PARD3B: variants seen among roughly 807,000 people sequenced by gnomAD.
PARD3B encodes par-3 family cell polarity regulator beta.
In PARD3B, 103 loss-of-function variants were observed where a neutral mutation model predicts 130.2. The observed-to-expected ratio is 0.79, with a 90% confidence interval of 0.67 to 0.93. PARD3B has a LOEUF of 0.93. Ranked by LOEUF, PARD3B falls within the 40% of genes least tolerant of loss-of-function variation. PARD3B has a pLI of 0.00. For synonymous variants in PARD3B, 583 were observed against 553.2 expected, an observed-to-expected ratio of 1.05 and a Z score of -0.76; for missense variants, 1,609 against 1,499.2, an observed-to-expected ratio of 1.07 and a Z score of -1.21.
At chr2:204,920,442 C>G (rs767769693) in intron 2 of PARD3B, among the ~76,000 whole-genome samples, 2 of 152,160 alleles carry the variant, frequency 1.3e-5, no homozygotes, top group African/African-American at 2.4e-5. Context: ...TCTGAGTACA[C>G]AACCATGGCC....
intron 1 of PARD3B, among the ~76,000 whole-genome samples, chr2:204,571,340 AAG>A (rs1468460254): frequency 6.6e-6 from 1 of 152,230 alleles, no homozygotes; most frequent in African/African-American, 2.4e-5. Context: ...CCCCAGCCAT[AAG>A]AGTGTTTTCT....
At chr2:205,152,389 G>T (rs1442312295) in intron 10 of PARD3B, among the ~76,000 whole-genome samples, 1 of 152,130 alleles carries the variant, frequency 6.6e-6, no homozygotes, top group Non-Finnish European at 1.5e-5. Context: ...GTCACTTTCA[G>T]GTATACCAAT....
chr2:204,665,752 G>T (rs538241698), intron 1 of PARD3B, among the ~76,000 whole-genome samples: 7 of 152,282 alleles, frequency 4.6e-5, no homozygotes, highest in Non-Finnish European at 8.8e-5. Flanking sequence ...GAAAGCTGTG[G>T]TTGCAAGAAA....
intron 2 of PARD3B, among the ~76,000 whole-genome samples, chr2:204,838,971 A>G (rs575676542): frequency 1.1e-4 from 17 of 152,178 alleles, no homozygotes; most frequent in Non-Finnish European, 1.9e-4. Context: ...CACTATGTGT[A>G]GATCATAAGT....
At chr2:204,587,814 T>C (rs1200389347) in intron 1 of PARD3B, among the ~76,000 whole-genome samples, 5 of 152,158 alleles carry the variant, frequency 3.3e-5, no homozygotes, top group Non-Finnish European at 7.4e-5. Context: ...GGTAATTGAA[T>C]CATGGCGGTA....
chr2:205,161,959 G>A (rs1453987891), intron 11 of PARD3B, among the ~76,000 whole-genome samples: 2 of 152,160 alleles, frequency 1.3e-5, no homozygotes, highest in Admixed American at 1.3e-4. Flanking sequence ...AACAAAGATA[G>A]GCTACTTCTT....
chr2:204,938,544 T>G (rs187342365), intron 2 of PARD3B, among the ~76,000 whole-genome samples: 5 of 152,340 alleles, frequency 3.3e-5, no homozygotes, highest in African/African-American at 1.2e-4. Flanking sequence ...TTCTTACACC[T>G]TTCCTTTCAA....
chr2:205,066,054 A>G (rs1004924922), intron 4 of PARD3B, among the ~76,000 whole-genome samples: 1 of 152,108 alleles, frequency 6.6e-6, no homozygotes, highest in Non-Finnish European at 1.5e-5. Context: ...TAGGACACAG[A>G]AGGAATAATT....
At chr2:204,715,086 A>G (rs182496579) in intron 2 of PARD3B, among the ~76,000 whole-genome samples, 13 of 152,300 alleles carry the variant, frequency 8.5e-5, no homozygotes, top group Admixed American at 4.6e-4. Flanking sequence ...ACTAATCTCT[A>G]TGAAACTGTT....
chr2:204,834,734 G>A (rs928248451), intron 2 of PARD3B, among the ~76,000 whole-genome samples: 3 of 152,124 alleles, frequency 2.0e-5, no homozygotes, highest in Admixed American at 1.3e-4. Context: ...AAAGGGAGAG[G>A]AAATTTCTTC....
chr2:205,108,700 T>C, intron 5 of PARD3B, among the ~76,000 whole-genome samples: 1 of 152,128 alleles, frequency 6.6e-6, no homozygotes, highest in Non-Finnish European at 1.5e-5. Flanking sequence ...CCTAATCCTG[T>C]ACCCTCCTCT....
At chr2:205,456,934 T>G (rs1345225094) in intron 20 of PARD3B, among the ~76,000 whole-genome samples, 4 of 150,558 alleles carry the variant, frequency 2.7e-5, no homozygotes. Flanking sequence ...ATAAATTTAA[T>G]AAATTTAATA....
chr2:204,609,080 ATTAAAATGTTC>A (rs2033832569), intron 1 of PARD3B, among the ~76,000 whole-genome samples: 2 of 152,230 alleles, frequency 1.3e-5, no homozygotes, highest in Non-Finnish European at 2.9e-5. Context: ...TTAAAGTTAA[ATTAAAATGTTC>A]TTAAGGTAGT....
At chr2:204,953,410 TACACACACACAGAGAG>T (rs1689957330) in intron 2 of PARD3B, among the ~76,000 whole-genome samples, 1 of 115,752 alleles carries the variant, frequency 8.6e-6, no homozygotes, top group African/African-American at 3.6e-5. Context: ...TATGTTAACA[TACACACACACAGAGAG>T]AGAGAGAGAG....
At chr2:205,237,727 G>T (rs1309314731) in intron 15 of PARD3B, among the ~76,000 whole-genome samples, 1 of 152,024 alleles carries the variant, frequency 6.6e-6, no homozygotes, top group African/African-American at 2.4e-5. Flanking sequence ...CTACCCTAGT[G>T]GTCAGTTATA....
At chr2:205,109,633 A>G (rs1049186013) in intron 5 of PARD3B, among the ~76,000 whole-genome samples, 5 of 149,478 alleles carry the variant, frequency 3.3e-5, no homozygotes, top group Non-Finnish European at 5.9e-5. Context: ...AACAACTCTA[A>G]TAGGGAAATA....
chr2:205,475,607 T>A (rs2048997539), intron 20 of PARD3B, among the ~76,000 whole-genome samples: 1 of 152,178 alleles, frequency 6.6e-6, no homozygotes, highest in Admixed American at 6.6e-5. Flanking sequence ...TGCTGCCCTT[T>A]GCTTTTCTCC....
At chr2:204,971,423 T>C (rs1009715495) in intron 3 of PARD3B, among the ~76,000 whole-genome samples, 1 of 152,204 alleles carries the variant, frequency 6.6e-6, no homozygotes, top group Non-Finnish European at 1.5e-5. Flanking sequence ...TCCTTGTTGT[T>C]GGAAGCTCTT....
In PARD3B at chr2:205,172,220, C is replaced by T. The variant is rs1162786721; in HGVS notation, c.1630C>T (p.Leu544=). Residue 544 remains leucine, a synonymous_variant, in exon 12 of 23, where the codon CTG becomes TTG. Transcript: ENST00000406610. ...CTTTCTTCTGCCTTAGGATGGTCGT[C>T]TGCGAATGAATGACCAGCTGATTGC... ...HGGAAFKDGR[L]RMNDQLIAVN... The T allele has an allele frequency of 1.9e-6, 3 of 1,614,014 alleles. No individual in the cohort carries two copies. The highest frequency in any genetic ancestry group is 2.5e-6 in the Non-Finnish European group (3 of 1,179,960).
Sources: allele counts gnomAD v4.1 joint callset (sites outside exome capture counted in the v4.1 genomes callset), GRCh38; gene constraint gnomAD v4.1.1; transcripts MANE v1.5; gene names NCBI Gene and HGNC (gene_info 2026-07-23, HGNC 2026-07-21).